Variants in SLC5A4 observed in about 807,000 individuals in gnomAD.
SLC5A4 encodes probable glucose sensor protein SLC5A4.
In SLC5A4, 55 loss-of-function variants were observed where a neutral mutation model predicts 70.3. The observed-to-expected ratio is 0.78, with a 90% CI of 0.63 to 0.98. SLC5A4 has a LOEUF of 0.98. Ranked by LOEUF, SLC5A4 falls within the 50% of genes least tolerant of loss-of-function variation. SLC5A4 has a pLI of 0.00. For synonymous variants in SLC5A4, 268 were observed against 305.7 expected, an observed-to-expected ratio of 0.88 and a Z score of 1.29; for missense variants, 735 against 839.2, an observed-to-expected ratio of 0.88 and a Z score of 1.53.
At chr22:32,263,981 T>C in the SLC5A4 span, among the ~76,000 whole-genome samples, 6 of 152,046 alleles carry the variant, frequency 3.9e-5, no homozygotes, top group African/African-American at 9.7e-5. Context: ...TTCTCGCTCA[T>C]AAGGGGAGTT....
upstream of SLC5A4, among the ~76,000 whole-genome samples, chr22:32,259,369 G>A (rs1001003027): frequency 1.3e-5 from 2 of 152,102 alleles, no homozygotes; most frequent in African/African-American, 4.8e-5. Context: ...TTTCATATGT[G>A]GCTTTATTAT....
At chr22:32,313,922 A>G in the SLC5A4 span, among the ~76,000 whole-genome samples, 2 of 152,202 alleles carry the variant, frequency 1.3e-5, no homozygotes, top group Non-Finnish European at 2.9e-5. Context: ...GCAGCCCTGG[A>G]CTGCCCCCTC....
At chr22:32,267,407 G>A in the SLC5A4 span, among the ~76,000 whole-genome samples, 1 of 152,206 alleles carries the variant, frequency 6.6e-6, no homozygotes, top group Non-Finnish European at 1.5e-5. Flanking sequence ...TAGTGGAGCA[G>A]AGGTGAGAAT....
chr22:32,258,626 C>T (rs772136285), upstream of SLC5A4, among the ~76,000 whole-genome samples: 1 of 152,124 alleles, frequency 6.6e-6, no homozygotes, highest in Non-Finnish European at 1.5e-5. Context: ...CCCTTGTACA[C>T]TGTTGTTGAG....
the SLC5A4 span, among the ~76,000 whole-genome samples, chr22:32,263,525 C>T: frequency 6.6e-6 from 1 of 152,006 alleles, no homozygotes; most frequent in Non-Finnish European, 1.5e-5. Flanking sequence ...GTTAGAATGG[C>T]GATCATTAAA....
Position 32,237,312 on chromosome 22 carries a change from G to C in SLC5A4, c.596C>G (p.Ser199Trp), listed in dbSNP as rs746813718. The C allele has an allele frequency of 2.5e-6, 4 of 1,602,428 alleles. No individual in the cohort carries two copies. In the South Asian group the frequency reaches 3.4e-5, roughly 14 times the overall value. The change falls in exon 7 of 15, where the codon TCG becomes TGG. Residue 199 changes from serine (S) to tryptophan (W), a missense_variant. By Grantham distance (177) the Ser-to-Trp change is radical (BLOSUM62 -3). Transcript: ENST00000266086. ...AVYTTTGGLASVIYTDTLQTI... is the reference protein window; with the variant it reads ...AVYTTTGGLAWVIYTDTLQTI... ...CTGGAGGGTGTCTGTGTAAATCACCGAGGCCAAGCCCCCTAGTGAGAGAAA... is the reference window on the plus strand; with the variant it reads ...CTGGAGGGTGTCTGTGTAAATCACCCAGGCCAAGCCCCCTAGTGAGAGAAA...
chr22:32,270,980 G>T, the SLC5A4 span: 1 of 527,420 alleles, frequency 1.9e-6, no homozygotes, highest in Non-Finnish European at 3.5e-6. Flanking sequence ...GGGCCACAGT[G>T]GCTTGGAGGC....
At chr22:32,220,856 A>G (rs1925032379) in intron 14 of SLC5A4, 64 bp downstream of exon 14, 1 of 1,047,818 alleles carries the variant, frequency 9.5e-7, no homozygotes, top group Admixed American at 1.7e-5. Flanking sequence ...ACATTAAAAG[A>G]AAACCATAAA....
In SLC5A4 at chr22:32,218,568, G is replaced by T. The variant is rs1447837271; in HGVS notation, c.1926C>A (p.Ile642=). 6.2e-7 allele frequency: 1 copy of T among 1,613,828 alleles called. No individual in the cohort carries two copies. The highest frequency in any genetic ancestry group is 8.5e-7 in the Non-Finnish European group (1 of 1,179,998). ...CCACAGCCAGGAGGAGGATGGCGTT[G>T]ATGTTCACTATTGTCCTCCACGAGG... ...ERPSWRTIVN[I]NAILLLAVVV... is the part of the protein sequence containing the mutation. The change falls in exon 15 of 15, where the codon ATC becomes ATA. Residue 642 remains isoleucine, a synonymous_variant. Transcript: ENST00000266086.
the SLC5A4 span, among the ~76,000 whole-genome samples, chr22:32,292,366 CAT>C: frequency 1.2e-4 from 17 of 145,078 alleles, no homozygotes; most frequent in East Asian, 2.9e-3. Flanking sequence ...TCTGTACACA[CAT>C]ATTTTCTAAT....
the SLC5A4 span, among the ~76,000 whole-genome samples, chr22:32,309,084 C>T: frequency 0.14 from 21,864 of 152,156 alleles, 1,788 homozygotes; most frequent in East Asian, 0.33. Flanking sequence ...GCTGGCCTGG[C>T]AGCTGGAGGG....
chr22:32,241,861 GTA>G (rs1555989988), intron 5 of SLC5A4, among the ~76,000 whole-genome samples: 7 of 148,630 alleles, frequency 4.7e-5, no homozygotes, highest in Non-Finnish European at 4.5e-5. Context: ...GTGTGTGTGT[GTA>G]TATATATGTG....
At chr22:32,222,774 C>G (rs142073631) in intron 13 of SLC5A4, among the ~76,000 whole-genome samples, 2,428 of 152,190 alleles carry the variant, frequency 0.016, 33 homozygotes, top group Non-Finnish European at 0.024. Flanking sequence ...TATAAAGAAG[C>G]ATTGCTTCAA....
At chr22:32,242,115 G>A (rs1926566805) in intron 5 of SLC5A4, among the ~76,000 whole-genome samples, 1 of 152,070 alleles carries the variant, frequency 6.6e-6, no homozygotes, top group South Asian at 2.1e-4. Flanking sequence ...ATTTACATGT[G>A]TGTATGTATG....
the SLC5A4 span, chr22:32,272,660 G>T: frequency 1.8e-6 from 1 of 566,044 alleles, no homozygotes; most frequent in Non-Finnish European, 3.3e-6. Context: ...CTGAAGCCAA[G>T]GAGAGTTTTG....
chr22:32,320,609 G>A, the SLC5A4 span, among the ~76,000 whole-genome samples: 1 of 152,246 alleles, frequency 6.6e-6, no homozygotes, highest in East Asian at 1.9e-4. Flanking sequence ...CATGATTTGT[G>A]GCATTAATGC....
At chr22:32,335,746 A>G in the SLC5A4 span, among the ~76,000 whole-genome samples, 1 of 152,288 alleles carries the variant, frequency 6.6e-6, no homozygotes, top group African/African-American at 2.4e-5. Context: ...CCCAGCACAC[A>G]GGGTGTGACA....
chr22:32,355,057 G>C, the SLC5A4 span, among the ~76,000 whole-genome samples: 1 of 150,294 alleles, frequency 6.7e-6, no homozygotes, highest in South Asian at 2.1e-4. Flanking sequence ...GGAGAGCTTG[G>C]AATGACAAAA....
chr22:32,263,358 G>T, the SLC5A4 span, among the ~76,000 whole-genome samples: 6 of 152,216 alleles, frequency 3.9e-5, no homozygotes, highest in Non-Finnish European at 8.8e-5. Flanking sequence ...ACATTTGTAT[G>T]CCAACAAGTT....
Sources: gnomAD v4.1 joint callset for allele counts (sites outside exome capture counted in the v4.1 genomes callset) on GRCh38, gnomAD v4.1.1 for gene constraint, MANE v1.5 for transcripts, NCBI Gene and HGNC (gene_info 2026-07-23, HGNC 2026-07-21) for gene names.